Variants in NTM observed in about 807,000 individuals in gnomAD.
The protein encoded by NTM is neurotrimin.
In NTM, 13 loss-of-function variants were observed where a neutral mutation model predicts 42.1. The observed-to-expected ratio is 0.31, with a 90% CI of 0.20 to 0.49. NTM has a LOEUF of 0.49. Ranked by LOEUF, NTM falls within the 20% of genes least tolerant of loss-of-function variation. NTM has a pLI of 0.99. For missense variants in NTM, 373 were observed against 452.8 expected (o/e 0.82, Z 1.60); for synonymous variants, 187 against 179.2 (o/e 1.04, Z -0.35).
chr11:132,140,779 G>T (rs568155207), intron 2 of NTM, among the ~76,000 whole-genome samples: 2 of 152,292 alleles, frequency 1.3e-5, no homozygotes, highest in Non-Finnish European at 2.9e-5. Flanking sequence ...GCGTGTGTGG[G>T]TATTTCTGAG....
intron 2 of NTM, among the ~76,000 whole-genome samples, chr11:132,104,808 G>A (rs117239001): frequency 0.018 from 2,689 of 149,398 alleles, 33 homozygotes; most frequent in Non-Finnish European, 0.028. Context: ...AGGAGGCTGA[G>A]GCAGGAAGAT....
At chr11:131,657,039 A>G (rs1446027144) in intron 1 of NTM, among the ~76,000 whole-genome samples, 2 of 151,370 alleles carry the variant, frequency 1.3e-5, no homozygotes, top group Admixed American at 6.6e-5. Flanking sequence ...CTGCATTGTT[A>G]GCGGGGAGGA....
Position 131,763,709 on chromosome 11 carries a change from C to CTTTTTTTTTTTTTTTTTTTTTTTTTT in NTM, c.83-147854_83-147829dup, listed in dbSNP as rs557522093. ...CTTATCCACAGGCCCATCTCTCTCT[C>CTTTTTTTTTTTTTTTTTTTTTTTTTT]TTTTTTTTTTTTTTTTTTTTTTTTT... On this transcript the variant is annotated intron_variant, in intron 1 of 8. Coordinates refer to ENST00000683400, the MANE Select transcript of NTM (RefSeq NM_001352005.2). 1.0e-3 allele frequency among the ~76,000 whole-genome samples: 72 copies of CTTTTTTTTTTTTTTTTTTTTTTTTTT among 71,376 alleles called. 14 individuals carry two copies. The highest frequency in any genetic ancestry group is 0.011 in the Middle Eastern group (1 of 90). The allele number at this position is 71,376 out of a possible 152,430, so 46.8% of individuals were successfully genotyped here.
At chr11:131,748,063 G>C (rs188412080) in intron 1 of NTM, among the ~76,000 whole-genome samples, 3 of 152,284 alleles carry the variant, frequency 2.0e-5, no homozygotes, top group Admixed American at 2.0e-4. Context: ...AGCGTTGATG[G>C]TACTGTTCAT....
chr11:132,250,768 T>G (rs2091856033), intron 4 of NTM, among the ~76,000 whole-genome samples: 1 of 152,236 alleles, frequency 6.6e-6, no homozygotes, highest in South Asian at 2.1e-4. Context: ...TTTTCCAATA[T>G]TATTAGTCAA....
chr11:131,434,617 C>T (rs577396144), intron 1 of NTM, among the ~76,000 whole-genome samples: 12 of 152,266 alleles, frequency 7.9e-5, no homozygotes, highest in East Asian at 5.8e-4. Flanking sequence ...ATATCCTTTG[C>T]GCACTTTTCG....
chr11:131,812,804 G>A (rs1049542871), intron 1 of NTM, among the ~76,000 whole-genome samples: 10 of 152,100 alleles, frequency 6.6e-5, no homozygotes, highest in African/African-American at 1.4e-4. Flanking sequence ...AGGAAAGAAC[G>A]GTGCCCATGT....
intron 1 of NTM, among the ~76,000 whole-genome samples, chr11:131,530,444 G>C (rs58661177): frequency 3.3e-5 from 4 of 120,636 alleles, no homozygotes; most frequent in African/African-American, 1.6e-4. Context: ...AAAAAAAAAA[G>C]ACTGACCAGT....
At chr11:131,607,892 T>G (rs1352593308) in intron 1 of NTM, among the ~76,000 whole-genome samples, 2 of 139,368 alleles carry the variant, frequency 1.4e-5, no homozygotes, top group African/African-American at 6.8e-5. Flanking sequence ...TTTTTGTGTT[T>G]TTTTTTTGTT....
At chr11:131,958,853 G>T (rs1396437609) in intron 2 of NTM, among the ~76,000 whole-genome samples, 2 of 152,162 alleles carry the variant, frequency 1.3e-5, no homozygotes, top group African/African-American at 4.8e-5. Context: ...AGGAAGAGAA[G>T]TTTTTTGGAA....
intron 1 of NTM, among the ~76,000 whole-genome samples, chr11:131,468,841 T>C (rs1952146388): frequency 6.6e-6 from 1 of 152,196 alleles, no homozygotes; most frequent in African/African-American, 2.4e-5. Flanking sequence ...GCCAGCAAAA[T>C]TGGCTGTTCC....
chr11:131,836,745 G>C (rs1287015970), intron 1 of NTM, among the ~76,000 whole-genome samples: 3 of 152,014 alleles, frequency 2.0e-5, no homozygotes, highest in Admixed American at 6.6e-5. Context: ...ATTAATTACT[G>C]GTTTACTAAT....
At chr11:131,543,334 C>A (rs887329151) in intron 1 of NTM, among the ~76,000 whole-genome samples, 4 of 152,168 alleles carry the variant, frequency 2.6e-5, no homozygotes, top group African/African-American at 9.7e-5. Flanking sequence ...GCATCACTTC[C>A]AGAGAAACAA....
intron 1 of NTM, among the ~76,000 whole-genome samples, chr11:131,587,454 A>AT (rs2058975462): frequency 6.6e-6 from 1 of 152,164 alleles, no homozygotes; most frequent in African/African-American, 2.4e-5. Flanking sequence ...TCCAAAAAAA[A>AT]AAAAATAGGC....
rs186449031 is a variant in NTM at position 131,752,224 on chromosome 11, C to T, written c.83-159340C>T. On this transcript the variant is annotated intron_variant, in intron 1 of 8. Coordinates refer to ENST00000683400, the MANE Select transcript of NTM (RefSeq NM_001352005.2). Reference sequence around the variant, plus strand: ...TGTTTTAACCCCATCAAAAAGTGGGCGAAGGATATGAACAGACACTTCTCT... The same window carrying T: ...TGTTTTAACCCCATCAAAAAGTGGGTGAAGGATATGAACAGACACTTCTCT... 3.8e-3 allele frequency among the ~76,000 whole-genome samples: 571 copies of T among 152,130 alleles called. 6 individuals are homozygous for T. Among genetic ancestry groups the T allele is most frequent in the African/African-American group, 0.013 (540 of 41,490 alleles).
intron 2 of NTM, among the ~76,000 whole-genome samples, chr11:131,998,272 G>A (rs756629): frequency 0.25 from 38,503 of 152,064 alleles, 5,290 homozygotes; most frequent in African/African-American, 0.35. Flanking sequence ...AAAGCTGCGT[G>A]GAGTGAGCCC....
chr11:131,681,034 CGT>C (rs139179433), intron 1 of NTM, among the ~76,000 whole-genome samples: 4 of 17,258 alleles, frequency 2.3e-4, no homozygotes, highest in African/African-American at 9.5e-4. Context: ...TGTGTGTGAG[CGT>C]GTGTGTTTCT....
chr11:131,639,283 TG>T lies in NTM; in HGVS notation c.82+268396del, dbSNP rs1442392546. 4.8e-5 allele frequency among the ~76,000 whole-genome samples: 5 copies of T among 103,638 alleles called. No individual in the cohort carries two copies. The East Asian group carries it at 1.3e-3, about 26-fold the overall frequency. 68.0% of individuals were successfully genotyped at this position (103,638 alleles called of 152,430 possible). ...ATACTACTACTTTGGATCTGTTTTT[TG>T]TTTGTTTTTCTTTCGGTTTGGGGAT... On this transcript the variant is annotated intron_variant, in intron 1 of 8. Transcript: ENST00000683400.
chr11:131,469,211 T>G (rs1952184882), intron 1 of NTM, among the ~76,000 whole-genome samples: 1 of 152,204 alleles, frequency 6.6e-6, no homozygotes, highest in African/African-American at 2.4e-5. Context: ...CTAACGTGTG[T>G]GGGCTCTGTG....
Sources: gnomAD v4.1 joint callset for allele counts (sites outside exome capture counted in the v4.1 genomes callset) on GRCh38, gnomAD v4.1.1 for gene constraint, MANE v1.5 for transcripts, NCBI Gene and HGNC (gene_info 2026-07-23, HGNC 2026-07-21) for gene names.